ARHGAP6: variants seen among roughly 807,000 people sequenced by gnomAD.
The protein encoded by ARHGAP6 is rho GTPase-activating protein 6.
Under a neutral mutation model 55.7 loss-of-function variants are expected in ARHGAP6, and 16 were observed. The observed-to-expected ratio is 0.29, with a 90% CI of 0.19 to 0.44. The LOEUF is 0.44. Ranked by LOEUF, ARHGAP6 falls within the 20% of genes least tolerant of loss-of-function variation. The pLI is 1.00. For synonymous variants in ARHGAP6, 382 were observed against 360.9 expected (o/e 1.06, Z -0.66); for missense variants, 698 against 808.9 (o/e 0.86, Z 1.66).
At chrX:11,543,900 A>G (rs1448877900) in intron 1 of ARHGAP6, among the ~76,000 whole-genome samples, 2 of 112,914 alleles carry the variant, frequency 1.8e-5, no homozygotes, top group Admixed American at 9.4e-5. Flanking sequence ...ATATTCTGTT[A>G]AAGTCAAGAT....
In ARHGAP6 at chrX:11,427,847, AGG is replaced by A. The variant is rs1303192574; in HGVS notation, c.589-173142_589-173141del. 8.2e-6 allele frequency: 5 copies of A among 612,556 alleles called. No individual in the cohort carries two copies. The African/African-American group carries it at 1.2e-4, about 15-fold the overall frequency. 50.5% of individuals were successfully genotyped at this position (612,556 alleles called of 1,213,427 possible). ...GAGGAGGAGGAGGAGGAGGAGGAGG[AGG>A]AGGAGGAGGAGGAGGGAGCGGCCGA... is the stretch of plus-strand genomic sequence containing the variant. On this transcript the variant is annotated intron_variant, in intron 1 of 12. Coordinates refer to ENST00000337414, the MANE Select transcript of ARHGAP6 (RefSeq NM_013427.3).
chrX:11,160,155 T>C (rs1399129601), intron 9 of ARHGAP6, among the ~76,000 whole-genome samples: 1 of 110,742 alleles, frequency 9.0e-6, no homozygotes, highest in Admixed American at 9.6e-5. Context: ...TGACATGTAA[T>C]AAAAAATTTC....
chrX:11,464,768 A>T (rs2050277451), intron 1 of ARHGAP6, among the ~76,000 whole-genome samples: 1 of 112,393 alleles, frequency 8.9e-6, no homozygotes, highest in South Asian at 3.7e-4. Context: ...ACCAACATTT[A>T]TGAAAAATTT....
chrX:11,512,846 C>G (rs1006395354), intron 1 of ARHGAP6, among the ~76,000 whole-genome samples: 3 of 111,882 alleles, frequency 2.7e-5, no homozygotes, highest in Non-Finnish European at 5.6e-5. Context: ...CAAGACCAGA[C>G]AGATCATCTG....
intron 1 of ARHGAP6, among the ~76,000 whole-genome samples, chrX:11,313,691 T>G (rs1473468703): frequency 8.9e-6 from 1 of 112,547 alleles, no homozygotes; most frequent in Non-Finnish European, 1.9e-5. Context: ...CTGTCTCTCT[T>G]ACTGGGCTGG....
chrX:11,525,439 G>A (rs1328214805), intron 1 of ARHGAP6, among the ~76,000 whole-genome samples: 1 of 111,839 alleles, frequency 8.9e-6, no homozygotes, highest in Non-Finnish European at 1.9e-5. Flanking sequence ...TTTTATTGGT[G>A]GAAAAGATCA....
At chrX:11,402,239 G>A (rs1436704912) in intron 1 of ARHGAP6, among the ~76,000 whole-genome samples, 7 of 111,791 alleles carry the variant, frequency 6.3e-5, no homozygotes, top group Non-Finnish European at 1.1e-4. Flanking sequence ...TATGCTGTAC[G>A]TTTGTCTGTC....
chrX:11,486,776 G>T (rs1175029902), intron 1 of ARHGAP6, among the ~76,000 whole-genome samples: 5 of 111,885 alleles, frequency 4.5e-5, no homozygotes, highest in Non-Finnish European at 9.4e-5. Flanking sequence ...TGCTGGCCTG[G>T]CATGGGATGT....
intron 1 of ARHGAP6, among the ~76,000 whole-genome samples, chrX:11,553,625 C>A (rs1374825202): frequency 8.9e-6 from 1 of 111,809 alleles, no homozygotes; most frequent in Non-Finnish European, 1.9e-5. Context: ...AAAAGCAGAG[C>A]ATTTTTACTC....
intron 4 of ARHGAP6, 32 bp downstream of exon 4, chrX:11,188,696 A>G (rs768172351): frequency 8.2e-5 from 98 of 1,190,150 alleles, no homozygotes; most frequent in Non-Finnish European, 1.1e-4. Flanking sequence ...TTTTCCTAGC[A>G]CTGGTGTCAG....
intron 1 of ARHGAP6, among the ~76,000 whole-genome samples, chrX:11,520,140 T>TAC (rs2050900271): frequency 1.8e-4 from 9 of 51,145 alleles, no homozygotes; most frequent in Non-Finnish European, 3.2e-4. Context: ...TTTATATATA[T>TAC]ATATATATAT....
At chrX:11,532,637 G>A (rs2051062641) in intron 1 of ARHGAP6, among the ~76,000 whole-genome samples, 2 of 111,620 alleles carry the variant, frequency 1.8e-5, no homozygotes, top group Non-Finnish European at 3.8e-5. Context: ...TTTTATGGTT[G>A]AAGAAAAATT....
intron 10 of ARHGAP6, among the ~76,000 whole-genome samples, chrX:11,152,557 C>G: frequency 9.0e-6 from 1 of 111,494 alleles, no homozygotes; most frequent in African/African-American, 3.3e-5. Flanking sequence ...GTGCAAGCTC[C>G]CCAAATATCC....
chrX:11,287,877 G>A (rs1236106539), intron 1 of ARHGAP6, among the ~76,000 whole-genome samples: 1 of 112,359 alleles, frequency 8.9e-6, no homozygotes, highest in Non-Finnish European at 1.9e-5. Flanking sequence ...ATGAGAAGAT[G>A]TCACCTTTTG....
intron 1 of ARHGAP6, chrX:11,265,606 T>C (rs2047612007): frequency 1.4e-6 from 1 of 703,959 alleles, no homozygotes; most frequent in Non-Finnish European, 1.7e-6. Flanking sequence ...AATCACAAGA[T>C]GGATGTGAAA....
rs7877266 is a variant in ARHGAP6, at chrX:11,647,858, C to G, written c.588+16383G>C. On this transcript the variant is annotated intron_variant, in intron 1 of 12. Coordinates refer to ENST00000337414, the MANE Select transcript of ARHGAP6 (RefSeq NM_013427.3). ...AAACCGAGGGACATTCTACAAAATA[C>G]CTGACCAATACTTTTCAAAAGTGGC... 3.8e-3 allele frequency among the ~76,000 whole-genome samples: 423 copies of G among 111,950 alleles called. 1 individual carries two copies. Among genetic ancestry groups the G allele is most frequent in the African/African-American group, 0.012 (373 of 30,823 alleles).
At chrX:11,282,986 C>A (rs1017475403) in intron 1 of ARHGAP6, among the ~76,000 whole-genome samples, 1 of 111,830 alleles carries the variant, frequency 8.9e-6, no homozygotes, top group Non-Finnish European at 1.9e-5. Flanking sequence ...TGGTTTCAGA[C>A]GTTTCATGTA....
At chrX:11,592,227 G>T (rs1243050517) in intron 1 of ARHGAP6, among the ~76,000 whole-genome samples, 1 of 111,972 alleles carries the variant, frequency 8.9e-6, no homozygotes, top group Non-Finnish European at 1.9e-5. Context: ...CAGGAAGCTG[G>T]AGTATTTATA....
At chrX:11,224,509 C>T (rs945048484) in intron 2 of ARHGAP6, among the ~76,000 whole-genome samples, 2 of 111,752 alleles carry the variant, frequency 1.8e-5, no homozygotes, top group African/African-American at 6.5e-5. Context: ...ATTAGGGGTC[C>T]AACTGAGGTC....
Sources: gnomAD v4.1 joint callset for allele counts (sites outside exome capture counted in the v4.1 genomes callset) on GRCh38, gnomAD v4.1.1 for gene constraint, MANE v1.5 for transcripts, NCBI Gene and HGNC (gene_info 2026-07-23, HGNC 2026-07-21) for gene names.